FGF13: variants seen among roughly 807,000 people sequenced by gnomAD.
The protein encoded by FGF13 is fibroblast growth factor 13.
FGF13 carries 2 observed loss-of-function variants against 19.5 expected under a neutral mutation model. The observed-to-expected ratio is 0.10, with a 90% CI of 0.04 to 0.32. FGF13 has a LOEUF of 0.32. Among genes scored for constraint, FGF13 ranks in the 10% least tolerant of loss-of-function variants. The probability of loss-of-function intolerance (pLI) is 1.00; values close to 1 mark genes in which losing one functional copy is unlikely to be tolerated. For synonymous variants in FGF13, 72 were observed against 76.9 expected, an observed-to-expected ratio of 0.94 and a Z score of 0.33; for missense variants, 113 against 192.7, an observed-to-expected ratio of 0.59 and a Z score of 2.45.
intron 1 of FGF13, among the ~76,000 whole-genome samples, chrX:139,008,328 C>T (rs2092112828): frequency 8.9e-6 from 1 of 112,350 alleles, no homozygotes. Flanking sequence ...TTGCATCCTT[C>T]CTATAGGACT....
intron 1 of FGF13, among the ~76,000 whole-genome samples, chrX:139,203,082 A>C (rs1233814644): frequency 1.8e-5 from 2 of 112,313 alleles, no homozygotes; most frequent in Non-Finnish European, 3.8e-5. Context: ...GGTCCTGAGA[A>C]AGGCAACGGC....
chrX:138,930,021 A>C (rs2091694246), intron 1 of FGF13, among the ~76,000 whole-genome samples: 1 of 111,666 alleles, frequency 9.0e-6, no homozygotes, highest in Admixed American at 9.6e-5. Flanking sequence ...TTGCCTAAAA[A>C]GCGCAGCATG....
intron 1 of FGF13, among the ~76,000 whole-genome samples, chrX:138,968,420 C>A (rs1327152184): frequency 8.9e-6 from 1 of 111,791 alleles, no homozygotes. Context: ...TTTCTCCCTC[C>A]CTCACTTTCT....
intron 3 of FGF13, among the ~76,000 whole-genome samples, chrX:138,791,762 T>C (rs1023201106): frequency 1.8e-5 from 2 of 112,045 alleles, no homozygotes; most frequent in African/African-American, 6.5e-5. Context: ...AGCATTCAGC[T>C]AGAAAAGTAA....
At chrX:138,894,889 T>A (rs1273566660) in intron 1 of FGF13, among the ~76,000 whole-genome samples, 1 of 111,929 alleles carries the variant, frequency 8.9e-6, no homozygotes, top group African/African-American at 3.2e-5. Context: ...ATATCCCTGA[T>A]GAACACTGAT....
At chrX:139,190,894 T>C (rs767361959) in intron 1 of FGF13, among the ~76,000 whole-genome samples, 1 of 112,167 alleles carries the variant, frequency 8.9e-6, no homozygotes, top group Non-Finnish European at 1.9e-5. Context: ...TTGGTTTTGA[T>C]TTCTTTCTTT....
intron 3 of FGF13, among the ~76,000 whole-genome samples, chrX:138,682,734 T>G (rs1210184431): frequency 8.9e-6 from 1 of 112,034 alleles, no homozygotes; most frequent in Non-Finnish European, 1.9e-5. Flanking sequence ...AAAATAATTT[T>G]ACCCCCCCGA....
chrX:138,807,775 A>C (rs1267225824), intron 3 of FGF13, among the ~76,000 whole-genome samples: 1 of 111,704 alleles, frequency 9.0e-6, no homozygotes, highest in Non-Finnish European at 1.9e-5. Flanking sequence ...GAAAACAAAA[A>C]AAAGCAGGGG....
intron 1 of FGF13, among the ~76,000 whole-genome samples, chrX:138,962,770 T>C (rs1184535136): frequency 9.0e-6 from 1 of 111,588 alleles, no homozygotes; most frequent in African/African-American, 3.3e-5. Flanking sequence ...CCGCCATGTT[T>C]TCACTCATAG....
upstream of FGF13, chrX:139,204,191 G>A (rs981870879): frequency 6.4e-6 from 6 of 932,086 alleles, no homozygotes; most frequent in Non-Finnish European, 9.3e-6. Context: ...GCTTAGGGCG[G>A]CAAGTCTCGA....
At chrX:139,068,977 G>T (rs1227500935) in intron 1 of FGF13, among the ~76,000 whole-genome samples, 1 of 108,543 alleles carries the variant, frequency 9.2e-6, no homozygotes, top group African/African-American at 3.4e-5. Context: ...GTGCTGGAGA[G>T]GATGTGGAGA....
chrX:138,781,544 C>G (rs1199966387), intron 3 of FGF13, among the ~76,000 whole-genome samples: 2 of 110,021 alleles, frequency 1.8e-5, no homozygotes, highest in Non-Finnish European at 3.8e-5. Context: ...AACACCTCTA[C>G]GCAAATAAAC....
chrX:138,893,666 C>T lies in FGF13; in HGVS notation c.-112-29016G>A, dbSNP rs188503087. Among the ~76,000 whole-genome samples the T allele has an allele frequency of 3.4e-4, 38 of 111,929 alleles. 1 individual carries two copies. The highest frequency in any genetic ancestry group is 2.6e-3 in the Admixed American group (28 of 10,577). Reference sequence around the variant, plus strand: ...AAAAAAAACAGGTATTAGAGAAAAGCTTCACCTGAAGCCTATATTGGTAAC... The same window carrying T: ...AAAAAAAACAGGTATTAGAGAAAAGTTTCACCTGAAGCCTATATTGGTAAC... On this transcript the variant is annotated intron_variant, in intron 1 of 2. Transcript: ENST00000421460.
chrX:138,752,278 T>C (rs2090403655), intron 3 of FGF13, among the ~76,000 whole-genome samples: 1 of 110,567 alleles, frequency 9.0e-6, no homozygotes, highest in Non-Finnish European at 1.9e-5. Flanking sequence ...AATACAAAAA[T>C]TAGCTGAGCA....
At chrX:138,751,142 C>G (rs2090395086) in intron 3 of FGF13, among the ~76,000 whole-genome samples, 2 of 111,077 alleles carry the variant, frequency 1.8e-5, no homozygotes, top group Non-Finnish European at 3.8e-5. Context: ...GTAGGACAAC[C>G]TTGGTGAAAG....
Position 139,129,460 on chromosome X carries a change from A to G in FGF13, c.-113+73956T>C, listed in dbSNP as rs190371714. On this transcript the variant is annotated intron_variant, in intron 1 of 2. Coordinates refer to the FGF13 transcript ENST00000421460. ...TGGCCTTCTTTAGGCCCTTTGTAGA[A>G]CAAATAAACTACTGCATGCATAAGT... 5.4e-5 allele frequency among the ~76,000 whole-genome samples: 6 copies of G among 110,688 alleles called. No homozygotes were observed. In the East Asian group the frequency reaches 1.7e-3, roughly 32 times the overall value.
chrX:138,682,656 T>A (rs940995010), intron 3 of FGF13, among the ~76,000 whole-genome samples: 3 of 112,313 alleles, frequency 2.7e-5, no homozygotes, highest in Non-Finnish European at 5.6e-5. Flanking sequence ...ATTAGAAAAG[T>A]TGATCTTCAT....
intron 1 of FGF13, among the ~76,000 whole-genome samples, chrX:138,974,919 A>G (rs1278635796): frequency 8.9e-6 from 1 of 112,308 alleles, no homozygotes; most frequent in Non-Finnish European, 1.9e-5. Flanking sequence ...CAGGCACCCT[A>G]ATTTTTAAAC....
intron 1 of FGF13, among the ~76,000 whole-genome samples, chrX:138,725,479 G>A (rs1300495992): frequency 1.8e-5 from 2 of 111,376 alleles, no homozygotes; most frequent in African/African-American, 3.3e-5. Flanking sequence ...GCCAGTGCAC[G>A]AGAAGTCAAA....
Sources: allele counts gnomAD v4.1 joint callset (sites outside exome capture counted in the v4.1 genomes callset), GRCh38; gene constraint gnomAD v4.1.1; transcripts MANE v1.5; gene names NCBI Gene and HGNC (gene_info 2026-07-23, HGNC 2026-07-21).